ARL3: variants seen among roughly 807,000 people sequenced by gnomAD.
The protein encoded by ARL3 is ADP-ribosylation factor-like protein 3.
Under a neutral mutation model 26.0 loss-of-function variants are expected in ARL3, and 9 were observed. That is an observed-to-expected ratio of 0.35 (90% CI 0.21 to 0.60). ARL3 has a LOEUF of 0.60. Ranked by LOEUF, ARL3 falls within the 20% of genes least tolerant of loss-of-function variation. The pLI is 0.78. For synonymous variants in ARL3, 71 were observed against 78.4 expected (o/e 0.91, Z 0.50); for missense variants, 158 against 215.7 (o/e 0.73, Z 1.67).
chr10:102,712,253 C>T (rs1023289606), intron 1 of ARL3, among the ~76,000 whole-genome samples: 1 of 151,898 alleles, frequency 6.6e-6, no homozygotes, highest in African/African-American at 2.4e-5. Context: ...AAAACAAAAA[C>T]CAAAAAAACC....
chr10:102,701,256 C>T (rs894907609), intron 2 of ARL3, among the ~76,000 whole-genome samples: 3 of 152,182 alleles, frequency 2.0e-5, no homozygotes, highest in African/African-American at 7.2e-5. Flanking sequence ...ACCCAGTCAA[C>T]AGCTTGCTAC....
chr10:102,704,994 G>T (rs1055560384), intron 2 of ARL3, among the ~76,000 whole-genome samples: 1 of 152,090 alleles, frequency 6.6e-6, no homozygotes, highest in Non-Finnish European at 1.5e-5. Flanking sequence ...ATTTTAAAGT[G>T]TACAGTTCCA....
chr10:102,689,384 T>C (rs2064204803), intron 4 of ARL3, among the ~76,000 whole-genome samples: 1 of 152,162 alleles, frequency 6.6e-6, no homozygotes, highest in East Asian at 1.9e-4. Flanking sequence ...CAACTGGTAT[T>C]TTTGCCTGCT....
intron 3 of ARL3, among the ~76,000 whole-genome samples, chr10:102,696,609 C>A (rs1393823147): frequency 6.6e-6 from 1 of 152,170 alleles, no homozygotes; most frequent in Non-Finnish European, 1.5e-5. Context: ...CGGAGCTTAC[C>A]TTACAGTGCA....
intron 5 of ARL3, among the ~76,000 whole-genome samples, chr10:102,677,557 C>T (rs1590117725): frequency 6.6e-6 from 1 of 152,272 alleles, no homozygotes; most frequent in East Asian, 1.9e-4. Flanking sequence ...AGAAGGTTCC[C>T]TTAAAGGCAC....
chr10:102,707,288 ACT>A (rs1457018192), intron 1 of ARL3, among the ~76,000 whole-genome samples: 2 of 151,854 alleles, frequency 1.3e-5, no homozygotes, highest in African/African-American at 4.8e-5. Flanking sequence ...ACAGAGTGAG[ACT>A]CTGTCTCAAA....
chr10:102,711,262 TA>T (rs1223217111), intron 1 of ARL3, among the ~76,000 whole-genome samples: 1 of 152,056 alleles, frequency 6.6e-6, no homozygotes, highest in African/African-American at 2.4e-5. Context: ...ACCAGAGTCC[TA>T]ATGAAATGAA....
chr10:102,705,680 A>T (rs577194174), intron 1 of ARL3, among the ~76,000 whole-genome samples, 191 bp from the exon 2 acceptor site: 1 of 152,290 alleles, frequency 6.6e-6, no homozygotes, highest in East Asian at 1.9e-4. Flanking sequence ...CAGTAAATTC[A>T]GCAACTTAAT....
chr10:102,697,143 T>C (rs908701094), intron 3 of ARL3, among the ~76,000 whole-genome samples: 1 of 152,136 alleles, frequency 6.6e-6, no homozygotes. Context: ...ATGACAGCTA[T>C]GTCACTAGGT....
chr10:102,705,319 G>A (rs773978150), intron 2 of ARL3, 27 bp downstream of exon 2: 21 of 1,525,048 alleles, frequency 1.4e-5, no homozygotes, highest in Middle Eastern at 2.4e-4. Flanking sequence ...TGTGTCACAC[G>A]GCATCTGGAG....
intron 5 of ARL3, among the ~76,000 whole-genome samples, chr10:102,681,807 C>A (rs958417787): frequency 2.0e-5 from 3 of 152,152 alleles, no homozygotes; most frequent in African/African-American, 7.2e-5. Context: ...AAGCCAGTAT[C>A]ATTTTAATTA....
At chr10:102,703,355 C>T (rs190772437) in intron 2 of ARL3, among the ~76,000 whole-genome samples, 53 of 147,342 alleles carry the variant, frequency 3.6e-4, no homozygotes, top group African/African-American at 1.2e-3. Context: ...GTCCTGACCT[C>T]ATGATCCACC....
At chr10:102,687,955 A>G (rs1384014298) in intron 4 of ARL3, among the ~76,000 whole-genome samples, 2 of 152,086 alleles carry the variant, frequency 1.3e-5, no homozygotes, top group Non-Finnish European at 2.9e-5. Flanking sequence ...GTGTGTGTGT[A>G]TGAAATTTAA....
chr10:102,710,287 G>T (rs1450758571), intron 1 of ARL3, among the ~76,000 whole-genome samples: 1 of 152,176 alleles, frequency 6.6e-6, no homozygotes, highest in African/African-American at 2.4e-5. Flanking sequence ...TCCAACTACT[G>T]AGGATGGGAT....
intron 3 of ARL3, among the ~76,000 whole-genome samples, chr10:102,696,000 G>A (rs2064245232): frequency 6.6e-6 from 1 of 151,452 alleles, no homozygotes; most frequent in African/African-American, 2.4e-5. Context: ...GTCTCACTCT[G>A]TCACCCAGGC....
chr10:102,679,250 C>A (rs1383417541), intron 5 of ARL3, among the ~76,000 whole-genome samples: 1 of 152,212 alleles, frequency 6.6e-6, no homozygotes, highest in African/African-American at 2.4e-5. Flanking sequence ...CACATCAGGG[C>A]AAGCTTTGTC....
At chr10:102,704,695 G>A (rs1007775249) in intron 2 of ARL3, among the ~76,000 whole-genome samples, 1 of 152,110 alleles carries the variant, frequency 6.6e-6, no homozygotes, top group African/African-American at 2.4e-5. Context: ...TAGGTACTCA[G>A]ATCTGCTGGA....
chr10:102,682,069 C>A (rs2064158241), intron 5 of ARL3, among the ~76,000 whole-genome samples: 1 of 152,162 alleles, frequency 6.6e-6, no homozygotes, highest in Non-Finnish European at 1.5e-5. Context: ...AGGAGGGGCC[C>A]TGGCAACCTG....
At chr10:102,709,059 C>T (rs1400081848) in intron 1 of ARL3, among the ~76,000 whole-genome samples, 2 of 150,906 alleles carry the variant, frequency 1.3e-5, no homozygotes, top group Non-Finnish European at 3.0e-5. Flanking sequence ...TGTGTACAAC[C>T]GCACCCAGCT....
Sources: allele counts gnomAD v4.1 joint callset (sites outside exome capture counted in the v4.1 genomes callset), GRCh38; gene constraint gnomAD v4.1.1; transcripts MANE v1.5; gene names NCBI Gene and HGNC (gene_info 2026-07-23, HGNC 2026-07-21).